RAD52: variants seen among roughly 807,000 people sequenced by gnomAD.
RAD52 encodes DNA repair protein RAD52 homolog.
RAD52 carries 47 observed loss-of-function variants against 55.5 expected under a neutral mutation model. The ratio of observed to expected loss-of-function variants is 0.85; its 90% CI spans 0.67 to 1.08. The LOEUF (loss-of-function observed/expected upper bound fraction) is 1.08. Among genes scored for constraint, RAD52 ranks in the 50% least tolerant of loss-of-function variants. The pLI is 0.00. For synonymous variants in RAD52, 184 were observed against 198.9 expected, an observed-to-expected ratio of 0.92 and a Z score of 0.63; for missense variants, 468 against 522.8, an observed-to-expected ratio of 0.90 and a Z score of 1.02.
chr12:937,929 T>C (rs1957722811), intron 1 of RAD52, among the ~76,000 whole-genome samples: 1 of 152,090 alleles, frequency 6.6e-6, no homozygotes, highest in South Asian at 2.1e-4. Context: ...ATACGCTAAA[T>C]TTCTGACCCC....
intron 1 of RAD52, among the ~76,000 whole-genome samples, chr12:978,891 T>TAGATA (rs1240397143): frequency 0.016 from 237 of 15,156 alleles, no homozygotes; most frequent in African/African-American, 0.018. Context: ...AGATGATAGG[T>TAGATA]AGATAGATAG....
In RAD52 at chr12:949,625, A is replaced by C. The variant is rs1288187838; in HGVS notation, c.-42T>G. 6.6e-6 allele frequency: 1 copy of C among 152,498 alleles called. No homozygotes were observed. The highest frequency in any genetic ancestry group is 1.9e-4 in the East Asian group (1 of 5,206). The allele number at this position is 152,498 out of a possible 1,614,324, so 9.4% of individuals were successfully genotyped here. On this transcript the variant is annotated 5_prime_UTR_variant, in exon 1 of 12. Transcript: ENST00000358495. The stretch of plus-strand genomic sequence containing the variant: ...ACGCGCCTCGGGCAGCGCGCGGTGC[A>C]CACAGGGAGCTCGATCTAGGCTATG...
intron 6 of RAD52, 48 bp from the exon 7 acceptor site, chr12:925,573 C>T (rs1197471846): frequency 7.0e-7 from 1 of 1,422,118 alleles, no homozygotes; most frequent in South Asian, 1.1e-5. Context: ...AATTGTTACA[C>T]ATGAATATCA....
At chr12:938,679 T>C (rs1168509788) in intron 1 of RAD52, among the ~76,000 whole-genome samples, 1 of 152,074 alleles carries the variant, frequency 6.6e-6, no homozygotes, top group African/African-American at 2.4e-5. Context: ...CAAGACTCCA[T>C]CTCAAAAAAT....
intron 1 of RAD52, among the ~76,000 whole-genome samples, chr12:983,350 C>T (rs1342442400): frequency 6.6e-6 from 1 of 151,534 alleles, no homozygotes; most frequent in Non-Finnish European, 1.5e-5. Context: ...ATTTATTTGC[C>T]ATAATTTTGG....
intron 1 of RAD52, among the ~76,000 whole-genome samples, chr12:957,412 C>T (rs963871271): frequency 1.4e-5 from 2 of 143,676 alleles, no homozygotes; most frequent in African/African-American, 5.2e-5. Flanking sequence ...GTTGCAGTGA[C>T]CCAAGATCAT....
intron 1 of RAD52, among the ~76,000 whole-genome samples, chr12:939,901 C>A (rs1260842298): frequency 6.6e-6 from 1 of 152,036 alleles, no homozygotes; most frequent in African/African-American, 2.4e-5. Context: ...ATGGTGAAAC[C>A]CCGTCTCTAC....
In RAD52 at chr12:916,856, G is replaced by T. The variant is rs5031041; in HGVS notation, c.544-36C>A. The T allele has an allele frequency of 1.0e-4, 163 of 1,581,532 alleles. No individual in the cohort carries two copies. The African/African-American group carries it at 1.6e-3, about 16-fold the overall frequency. ...AGAAGAAAAACAAATTCCTTCAACT[G>T]GCTCTTGCCCTCCGCTGCTTCTCCC... On this transcript the variant is annotated intron_variant, in intron 7 of 11. Coordinates refer to ENST00000358495, the MANE Select transcript of RAD52 (RefSeq NM_134424.4).
chr12:922,203 A>AAAAAAAAAAAAAAC (rs1956772643), intron 7 of RAD52, among the ~76,000 whole-genome samples: 1 of 146,626 alleles, frequency 6.8e-6, no homozygotes, highest in Non-Finnish European at 1.5e-5. Flanking sequence ...AAAAAAAAAA[A>AAAAAAAAAAAAAAC]AAAAAAAAAA....
intron 1 of RAD52, among the ~76,000 whole-genome samples, chr12:943,381 C>T (rs1018684449): frequency 7.9e-5 from 12 of 152,192 alleles, no homozygotes; most frequent in Admixed American, 3.9e-4. Context: ...CTTGTTCAGT[C>T]GCCCAGGCTG....
intron 5 of RAD52, among the ~76,000 whole-genome samples, chr12:928,883 A>G (rs868408801): frequency 6.6e-6 from 1 of 152,260 alleles, no homozygotes. Context: ...CAGTAAGGCT[A>G]CCGATAAAAC....
upstream of RAD52, among the ~76,000 whole-genome samples, chr12:952,766 C>T (rs1958546674): frequency 6.7e-6 from 1 of 149,088 alleles, no homozygotes; most frequent in Admixed American, 6.7e-5. Context: ...GTGGTGGGTG[C>T]CTGTAATCCC....
At chr12:948,344 A>G (rs1398598571) in intron 1 of RAD52, among the ~76,000 whole-genome samples, 6 of 152,218 alleles carry the variant, frequency 3.9e-5, no homozygotes, top group African/African-American at 1.4e-4. Context: ...CTGGAATTAG[A>G]TAATAGTGGT....
intron 2 of RAD52, among the ~76,000 whole-genome samples, chr12:932,226 G>C (rs1203341546): frequency 1.3e-5 from 2 of 152,136 alleles, no homozygotes; most frequent in East Asian, 3.9e-4. Flanking sequence ...CGGGCGTGGT[G>C]GCTCACGCCT....
intron 11 of RAD52, 68 bp from the exon 12 acceptor site, chr12:913,520 C>A: frequency 8.7e-7 from 1 of 1,155,754 alleles, no homozygotes. Context: ...CTAATGATTT[C>A]TGGATTATAT....
intron 8 of RAD52, 43 bp downstream of exon 8, chr12:916,596 C>A: frequency 1.3e-6 from 2 of 1,598,752 alleles, no homozygotes; most frequent in Non-Finnish European, 1.7e-6. Flanking sequence ...CCCCGTGACA[C>A]AGGAGGGGCC....
In RAD52 at chr12:929,895, G is replaced by A. The variant is rs758704068; in HGVS notation, c.281-9C>T. The A allele has an allele frequency of 1.2e-6, 2 of 1,612,184 alleles. No individual in the cohort carries two copies. The highest frequency in any genetic ancestry group is 4.5e-5 in the East Asian group (2 of 44,866). ...GTTGAGGTCAACAAAATCTAGGAGTGGGAAAGAGAGCAAGTTGAAGAGGAC... is the reference window on the plus strand; with the variant it reads ...GTTGAGGTCAACAAAATCTAGGAGTAGGAAAGAGAGCAAGTTGAAGAGGAC... On this transcript the variant is annotated splice_polypyrimidine_tract_variant and intron_variant, in intron 4 of 11. Coordinates refer to ENST00000358495, the MANE Select transcript of RAD52 (RefSeq NM_134424.4).
rs938195642 is a variant in RAD52, at chr12:912,493, G to A, written c.*898C>T. The A allele has an allele frequency of 5.2e-6, 1 of 190,874 alleles. No individual in the cohort carries two copies. Among genetic ancestry groups the A allele is most frequent in the African/African-American group, 2.3e-5 (1 of 42,718 alleles). 11.8% of individuals were successfully genotyped at this position (190,874 alleles called of 1,614,324 possible). A position where few individuals can be genotyped will look rare whatever the true frequency, so the allele number is the denominator to read the frequency against. Reference sequence around the variant, plus strand: ...TATTCAAAAAATGCAAAACAATTCTGGTTTCAAGCATTTCAGATAAGCAAT... The same window carrying A: ...TATTCAAAAAATGCAAAACAATTCTAGTTTCAAGCATTTCAGATAAGCAAT... On this transcript the variant is annotated 3_prime_UTR_variant, in exon 12 of 12. Coordinates refer to ENST00000358495, the MANE Select transcript of RAD52 (RefSeq NM_134424.4).
At chr12:970,519 CAA>C (rs775230077) in intron 1 of RAD52, among the ~76,000 whole-genome samples, 1 of 151,850 alleles carries the variant, frequency 6.6e-6, no homozygotes, top group Non-Finnish European at 1.5e-5. Context: ...TTATTTTTAC[CAA>C]AAGACTTCCT....
Sources: allele counts gnomAD v4.1 joint callset (sites outside exome capture counted in the v4.1 genomes callset), GRCh38; gene constraint gnomAD v4.1.1; transcripts MANE v1.5; gene names NCBI Gene and HGNC (gene_info 2026-07-23, HGNC 2026-07-21).